Variants in HELQ observed in about 807,000 individuals in gnomAD.
HELQ encodes the protein helicase, POLQ like.
Under a neutral mutation model 111.6 loss-of-function variants are expected in HELQ, and 77 were observed. The observed-to-expected ratio is 0.69, with a 90% CI of 0.57 to 0.83. The LOEUF (loss-of-function observed/expected upper bound fraction) is 0.83. HELQ is among the 40% of genes least tolerant of loss of function. The pLI, the probability that HELQ is intolerant of heterozygous loss-of-function variation, is 0.00. For missense variants in HELQ, 1,200 were observed against 1,288.5 expected (o/e 0.93, Z 1.05); for synonymous variants, 438 against 454.7 (o/e 0.96, Z 0.47).
chr4:83,411,429 G>A (rs371510169), intron 17 of HELQ, among the ~76,000 whole-genome samples: 24 of 150,860 alleles, frequency 1.6e-4, no homozygotes, highest in Admixed American at 9.9e-4. Context: ...GGGCAGCATG[G>A]TGAAAAATAA....
At chr4:83,415,197 G>A (rs928585598) in intron 17 of HELQ, among the ~76,000 whole-genome samples, 1 of 152,180 alleles carries the variant, frequency 6.6e-6, no homozygotes. Context: ...GGAGCAGAAG[G>A]CAATGGCAAA....
At chr4:83,431,210 G>A (rs1720128027) in intron 11 of HELQ, among the ~76,000 whole-genome samples, 1 of 151,862 alleles carries the variant, frequency 6.6e-6, no homozygotes, top group Non-Finnish European at 1.5e-5. Flanking sequence ...GAGGACAAGA[G>A]TTCAAGACCA....
chr4:83,423,449 C>G (rs781227647), intron 14 of HELQ, among the ~76,000 whole-genome samples: 6 of 152,150 alleles, frequency 3.9e-5, no homozygotes, highest in Non-Finnish European at 7.3e-5. Flanking sequence ...AGTATGACAG[C>G]TGAACATCAA....
chr4:83,433,750 A>AAGGC (rs962487221), intron 9 of HELQ, among the ~76,000 whole-genome samples: 5 of 151,248 alleles, frequency 3.3e-5, no homozygotes, highest in African/African-American at 9.7e-5. Context: ...TTGGAAGGCG[A>AAGGC]AGGCAGGAGG....
intron 2 of HELQ, among the ~76,000 whole-genome samples, chr4:83,451,828 C>T (rs1721391431): frequency 6.6e-6 from 1 of 152,244 alleles, no homozygotes; most frequent in Non-Finnish European, 1.5e-5. Context: ...GGGCAACACA[C>T]ACCATTAGCT....
intron 15 of HELQ, among the ~76,000 whole-genome samples, chr4:83,420,952 G>A (rs563121588): frequency 2.4e-4 from 37 of 151,106 alleles, no homozygotes; most frequent in African/African-American, 8.5e-4. Flanking sequence ...GACCACAGGC[G>A]TGTGCCACCA....
At chr4:83,416,706 G>C in intron 17 of HELQ, 25 bp downstream of exon 17, 1 of 1,608,684 alleles carries the variant, frequency 6.2e-7, no homozygotes, top group Non-Finnish European at 8.5e-7. Flanking sequence ...GATTATTAAG[G>C]TTAAAAAATG....
At chr4:83,425,401 T>C (rs1719795464) in intron 14 of HELQ, among the ~76,000 whole-genome samples, 1 of 152,078 alleles carries the variant, frequency 6.6e-6, no homozygotes, top group Non-Finnish European at 1.5e-5. Flanking sequence ...GAAAATAACA[T>C]TCTCTTAAGG....
At chr4:83,424,788 C>T (rs13119699) in intron 14 of HELQ, among the ~76,000 whole-genome samples, 3 of 152,062 alleles carry the variant, frequency 2.0e-5, no homozygotes, top group African/African-American at 7.2e-5. Context: ...GAACTCCTGA[C>T]CTCATGGTCG....
intron 9 of HELQ, among the ~76,000 whole-genome samples, chr4:83,435,992 C>T (rs1720436979): frequency 1.3e-5 from 2 of 151,130 alleles, no homozygotes; most frequent in African/African-American, 4.9e-5. Context: ...AAAATGAGTC[C>T]TGGTATTCAA....
intron 15 of HELQ, among the ~76,000 whole-genome samples, chr4:83,420,151 G>A (rs1478307711): frequency 6.6e-6 from 1 of 152,136 alleles, no homozygotes; most frequent in African/African-American, 2.4e-5. Context: ...GTAAAAGCCT[G>A]GTAAGCTTTA....
rs1031690819 is a variant in HELQ, at chr4:83,446,926, T to C, written c.1301A>G (p.Tyr434Cys). 6.2e-7 allele frequency: 1 copy of C among 1,612,070 alleles called. No individual in the cohort carries two copies. ...ATGTCCTTTTTCAATAGTGGCAATA[T>C]AGAGTGATTTCTTTTCCCTTCTTTT... is the stretch of plus-strand genomic sequence containing the variant. ...PTKRREKKSL[Y>C]IATIEKGHSL... The change falls in exon 4 of 18, where the codon TAT (tyrosine) becomes TGT (cysteine). Residue 434 changes from tyrosine to cysteine, a missense_variant. By Grantham distance (194) the Tyr-to-Cys change is radical. This residue lies in a region of HELQ where 610 missense variants were observed against 607.1 expected (regional missense o/e 1.00). Transcript: ENST00000295488.
At chr4:83,436,347 T>A (rs1196056538) in intron 9 of HELQ, among the ~76,000 whole-genome samples, 1 of 152,178 alleles carries the variant, frequency 6.6e-6, no homozygotes, top group Non-Finnish European at 1.5e-5. Flanking sequence ...TAAAAATTGA[T>A]CATTTATTAG....
intron 7 of HELQ, among the ~76,000 whole-genome samples, chr4:83,440,453 C>T (rs1035171111): frequency 2.0e-5 from 3 of 152,096 alleles, no homozygotes; most frequent in African/African-American, 7.2e-5. Flanking sequence ...TTCAATCATA[C>T]TACTGAATTA....
intron 6 of HELQ, among the ~76,000 whole-genome samples, chr4:83,441,768 G>GTTT (rs1446974049): frequency 1.5e-5 from 2 of 136,960 alleles, no homozygotes; most frequent in African/African-American, 5.3e-5. Context: ...CTAAAACTTT[G>GTTT]TCTTTTTTTT....
intron 17 of HELQ, 92 bp downstream of exon 17, chr4:83,416,639 G>A (rs1040041394): frequency 8.4e-7 from 1 of 1,196,320 alleles, no homozygotes; most frequent in Non-Finnish European, 1.2e-6. Flanking sequence ...AAACAGTTAT[G>A]CAATGTGAAA....
At position 83,455,428 on chromosome 4, in the gene HELQ, T is replaced by G; in HGVS notation, c.266A>C (p.His89Pro). The G allele has an allele frequency of 6.2e-7, 1 of 1,613,938 alleles. No individual in the cohort carries two copies. The highest frequency in any genetic ancestry group is 8.5e-7 in the Non-Finnish European group (1 of 1,179,840). Residue 89 changes from histidine to proline, a missense_variant, in exon 1 of 18, where the codon CAC (histidine) becomes CCC (proline). By Grantham distance (77) the His-to-Pro change is moderately conservative. Around this residue, in one of 3 missense-constraint regions of HELQ, gnomAD observed 610 missense variants for 607.1 expected, o/e 1.00. Coordinates refer to ENST00000295488, the MANE Select transcript of HELQ (RefSeq NM_133636.5). ...TCCCACCCCTCTGTCAGTGGGCATG[T>G]GACGTAGGAGGTCCGGGTTTGTATC... ...GGDTNPDLLR[H>P]MPTDRGVGDQ...
chr4:83,437,603 TAAAAAA>T (rs11337269), intron 8 of HELQ, among the ~76,000 whole-genome samples: 1 of 97,882 alleles, frequency 1.0e-5, no homozygotes, highest in Non-Finnish European at 2.2e-5. Context: ...AAGCCTTGTC[TAAAAAA>T]AAAAAAAAAA....
chr4:83,408,278 A>T (rs1738896701), intron 17 of HELQ, among the ~76,000 whole-genome samples: 1 of 151,702 alleles, frequency 6.6e-6, no homozygotes, highest in Non-Finnish European at 1.5e-5. Context: ...TTTTAGACGG[A>T]GTCTTGTTCT....
Sources: gnomAD v4.1 joint callset for allele counts (sites outside exome capture counted in the v4.1 genomes callset) on GRCh38, gnomAD v4.1.1 for gene constraint, gnomAD v4.1.1 regional missense constraint, MANE v1.5 for transcripts, NCBI Gene and HGNC (gene_info 2026-07-23, HGNC 2026-07-21) for gene names.